SNX29: variants seen among roughly 807,000 people sequenced by gnomAD.
SNX29 encodes the protein sorting nexin-29.
Under a neutral mutation model 102.1 loss-of-function variants are expected in SNX29, and 78 were observed. That is an observed-to-expected ratio of 0.76 (90% CI 0.64 to 0.92). The LOEUF (loss-of-function observed/expected upper bound fraction) is 0.92, where lower values mean the gene tolerates loss of function less well. Among genes scored for constraint, SNX29 ranks in the 40% least tolerant of loss-of-function variants. The pLI, the probability that SNX29 is intolerant of heterozygous loss-of-function variation, is 0.00. For synonymous variants in SNX29, 580 were observed against 414.5 expected (o/e 1.40, Z -4.85); for missense variants, 1,280 against 1,061.7 (o/e 1.21, Z -2.86).
chr16:12,380,673 C>A (rs1192654378), intron 16 of SNX29, among the ~76,000 whole-genome samples: 4 of 123,822 alleles, frequency 3.2e-5, no homozygotes, highest in African/African-American at 1.3e-4. Flanking sequence ...CACCCACCAT[C>A]CATCCATCCA....
chr16:12,305,281 G>T (rs58009694), intron 15 of SNX29, among the ~76,000 whole-genome samples: 1 of 152,210 alleles, frequency 6.6e-6, no homozygotes, highest in Non-Finnish European at 1.5e-5. Context: ...GAGGTGTGAC[G>T]AGGTTAGACT....
intron 19 of SNX29, among the ~76,000 whole-genome samples, chr16:12,503,217 C>G (rs1335979398): frequency 1.3e-5 from 2 of 152,186 alleles, no homozygotes; most frequent in Non-Finnish European, 2.9e-5. Flanking sequence ...AGTTCGTCCT[C>G]CTTTTCCTTC....
intron 18 of SNX29, chr16:12,443,150 C>T (rs1474978967): frequency 7.5e-6 from 3 of 399,740 alleles, no homozygotes; most frequent in Non-Finnish European, 1.5e-5. Flanking sequence ...GGCCTAGGGC[C>T]TGCGTGGGCT....
chr16:12,220,990 C>T (rs950722267), intron 14 of SNX29, among the ~76,000 whole-genome samples: 10 of 152,098 alleles, frequency 6.6e-5, no homozygotes, highest in Admixed American at 5.9e-4. Flanking sequence ...ACATTAAGTA[C>T]GTCTTTATTA....
intron 15 of SNX29, among the ~76,000 whole-genome samples, chr16:12,298,200 G>A (rs1157570558): frequency 2.0e-5 from 3 of 152,120 alleles, no homozygotes; most frequent in Non-Finnish European, 4.4e-5. Flanking sequence ...TAGCACTTCA[G>A]TCATGGCATA....
chr16:12,157,265 A>AG (rs1156953300), intron 13 of SNX29, among the ~76,000 whole-genome samples: 11 of 152,272 alleles, frequency 7.2e-5, no homozygotes, highest in African/African-American at 2.6e-4. Flanking sequence ...ACTATCCAGC[A>AG]GGGCTGGTCC....
intron 16 of SNX29, among the ~76,000 whole-genome samples, chr16:12,383,432 TC>T (rs1424309714): frequency 1.3e-5 from 2 of 152,166 alleles, no homozygotes; most frequent in African/African-American, 4.8e-5. Flanking sequence ...TGAGTCACTT[TC>T]TTTTTTTTCT....
chr16:12,311,247 C>T (rs2080533116), intron 15 of SNX29, among the ~76,000 whole-genome samples: 1 of 152,160 alleles, frequency 6.6e-6, no homozygotes, highest in South Asian at 2.1e-4. Context: ...CTTTCAGTGC[C>T]TCTCTCCCAG....
intron 18 of SNX29, among the ~76,000 whole-genome samples, chr16:12,472,721 T>TC (rs1409615348): frequency 6.6e-6 from 1 of 152,086 alleles, no homozygotes; most frequent in Non-Finnish European, 1.5e-5. Context: ...GAGCTTGTTT[T>TC]GGATTCTGTT....
chr16:12,464,348 G>A (rs778906649), intron 18 of SNX29, among the ~76,000 whole-genome samples: 1 of 152,076 alleles, frequency 6.6e-6, no homozygotes, highest in African/African-American at 2.4e-5. Context: ...CACCTAGTTT[G>A]TTTCCATATC....
At chr16:11,984,516 T>A (rs930659419) in intron 1 of SNX29, among the ~76,000 whole-genome samples, 1 of 152,180 alleles carries the variant, frequency 6.6e-6, no homozygotes, top group Non-Finnish European at 1.5e-5. Flanking sequence ...TATTGATCAC[T>A]TTTATGGAAT....
intron 18 of SNX29, among the ~76,000 whole-genome samples, chr16:12,442,707 C>G (rs927075901): frequency 2.0e-5 from 3 of 152,018 alleles, no homozygotes; most frequent in Non-Finnish European, 1.5e-5. Flanking sequence ...CCTCCCACCT[C>G]AACCTCTCGA....
intron 13 of SNX29, among the ~76,000 whole-genome samples, chr16:12,169,140 A>G (rs987757429): frequency 1.3e-5 from 2 of 152,188 alleles, no homozygotes; most frequent in African/African-American, 4.8e-5. Flanking sequence ...ATATGCTGAA[A>G]ACCACTGAAT....
intron 3 of SNX29, among the ~76,000 whole-genome samples, chr16:12,017,897 G>A (rs893102304): frequency 6.6e-6 from 1 of 151,708 alleles, no homozygotes; most frequent in Non-Finnish European, 1.5e-5. Flanking sequence ...TGGGTGGGGG[G>A]GCTTTCTTTT....
intron 19 of SNX29, among the ~76,000 whole-genome samples, chr16:12,513,321 C>G (rs2089716354): frequency 6.9e-6 from 1 of 144,976 alleles, no homozygotes; most frequent in Admixed American, 6.8e-5. Flanking sequence ...CCTTCTCTCC[C>G]TTCCCCTGCC....
At chr16:12,247,508 T>A (rs1596622927) in intron 14 of SNX29, among the ~76,000 whole-genome samples, 1 of 152,188 alleles carries the variant, frequency 6.6e-6, no homozygotes, top group Admixed American at 6.5e-5. Flanking sequence ...AGTGAGTGAC[T>A]GCAGTGAGCA....
At chr16:12,386,453 G>A (rs2083344365) in intron 16 of SNX29, among the ~76,000 whole-genome samples, 1 of 152,138 alleles carries the variant, frequency 6.6e-6, no homozygotes, top group Admixed American at 6.5e-5. Flanking sequence ...GAGCTAGGAG[G>A]AGGCAATTCG....
intron 4 of SNX29, among the ~76,000 whole-genome samples, chr16:12,032,578 A>G (rs900547477): frequency 2.2e-4 from 33 of 152,140 alleles, no homozygotes; most frequent in Admixed American, 1.7e-3. Context: ...GTTTATTCCC[A>G]TGACAGTTGG....
chr16:12,235,480 T>G (rs1035753723), intron 14 of SNX29, among the ~76,000 whole-genome samples: 1 of 152,182 alleles, frequency 6.6e-6, no homozygotes. Flanking sequence ...GATTTTTTTT[T>G]GTGCACTACT....
Sources: gnomAD v4.1 joint callset for allele counts (sites outside exome capture counted in the v4.1 genomes callset) on GRCh38, gnomAD v4.1.1 for gene constraint, MANE v1.5 for transcripts, NCBI Gene and HGNC (gene_info 2026-07-23, HGNC 2026-07-21) for gene names.